The following LRP1B variants were observed in gnomAD, a reference collection of about 807,000 sequenced individuals.
The protein encoded by LRP1B is low-density lipoprotein receptor-related protein 1B.
LRP1B carries 217 observed loss-of-function variants against 556.6 expected under a neutral mutation model. The ratio of observed to expected loss-of-function variants is 0.39; its 90% CI spans 0.35 to 0.44. LRP1B has a LOEUF of 0.44. Among genes scored for constraint, LRP1B ranks in the 20% least tolerant of loss-of-function variants. The probability of loss-of-function intolerance (pLI) is 1.00; values close to 1 mark genes in which losing one functional copy is unlikely to be tolerated. For missense variants in LRP1B, 5,053 were observed against 5,620.8 expected, an observed-to-expected ratio of 0.90 and a Z score of 3.23; for synonymous variants, 2,047 against 1,865.8, an observed-to-expected ratio of 1.10 and a Z score of -2.50.
intron 86 of LRP1B, among the ~76,000 whole-genome samples, chr2:140,247,985 T>G (rs1573680346): frequency 1.3e-5 from 2 of 151,658 alleles, no homozygotes; most frequent in African/African-American, 4.8e-5. Context: ...AGTTCGTAGT[T>G]AAAATGACTG....
intron 3 of LRP1B, among the ~76,000 whole-genome samples, chr2:141,259,456 C>T (rs916036077): frequency 9.9e-5 from 15 of 152,186 alleles, no homozygotes; most frequent in Admixed American, 1.3e-4. Context: ...GCCAATATAA[C>T]GTAGAGAGTA....
intron 1 of LRP1B, among the ~76,000 whole-genome samples, chr2:142,071,680 C>T (rs1015747615): frequency 6.6e-6 from 1 of 151,882 alleles, no homozygotes; most frequent in Non-Finnish European, 1.5e-5. Flanking sequence ...ACCTGTAAAC[C>T]CTAAAATATT....
chr2:141,878,068 A>G (rs2104887497), intron 1 of LRP1B, among the ~76,000 whole-genome samples: 1 of 150,132 alleles, frequency 6.7e-6, no homozygotes, highest in Admixed American at 6.7e-5. Flanking sequence ...TCAGTTTTGG[A>G]ACACTGGTGA....
chr2:141,915,657 A>G (rs1316700950), intron 1 of LRP1B, among the ~76,000 whole-genome samples: 2 of 152,226 alleles, frequency 1.3e-5, no homozygotes, highest in Non-Finnish European at 2.9e-5. Context: ...CAACTAAAGA[A>G]TGAAAGAAGA....
At chr2:140,527,281 T>A (rs1456249031) in intron 47 of LRP1B, among the ~76,000 whole-genome samples, 1 of 151,910 alleles carries the variant, frequency 6.6e-6, no homozygotes, top group Non-Finnish European at 1.5e-5. Flanking sequence ...AGGTGATATT[T>A]CTATTCCAAA....
chr2:141,744,969 A>G (rs1693859474), intron 2 of LRP1B, among the ~76,000 whole-genome samples: 1 of 152,174 alleles, frequency 6.6e-6, no homozygotes, highest in Non-Finnish European at 1.5e-5. Flanking sequence ...GATCTTGGAA[A>G]ATATCTACAA....
intron 1 of LRP1B, among the ~76,000 whole-genome samples, chr2:141,835,000 A>G (rs1697225963): frequency 6.6e-6 from 1 of 151,956 alleles, no homozygotes; most frequent in South Asian, 2.1e-4. Context: ...TATAAAGATC[A>G]ATTGATATTG....
At chr2:141,574,584 T>C (rs1289971030) in intron 2 of LRP1B, among the ~76,000 whole-genome samples, 1 of 152,052 alleles carries the variant, frequency 6.6e-6, no homozygotes, top group Admixed American at 6.6e-5. Flanking sequence ...CTATTCAACA[T>C]AGTATTGGAA....
At chr2:140,884,952 A>G (rs771260289) in intron 24 of LRP1B, among the ~76,000 whole-genome samples, 5 of 152,126 alleles carry the variant, frequency 3.3e-5, no homozygotes, top group African/African-American at 4.8e-5. Context: ...GGGCTTAAAC[A>G]TCTGTCTGTC....
At chr2:140,348,086 C>A (rs1395298400) in intron 77 of LRP1B, among the ~76,000 whole-genome samples, 1 of 151,878 alleles carries the variant, frequency 6.6e-6, no homozygotes, top group Non-Finnish European at 1.5e-5. Context: ...TTTTGGAAAT[C>A]AAATATATTT....
At chr2:141,467,200 A>G (rs1027203026) in intron 3 of LRP1B, among the ~76,000 whole-genome samples, 1 of 150,486 alleles carries the variant, frequency 6.6e-6, no homozygotes, top group Non-Finnish European at 1.5e-5. Flanking sequence ...CGCGGGGGGA[A>G]TTATAGCAGT....
At chr2:142,116,799 G>A (rs1237086117) in intron 1 of LRP1B, among the ~76,000 whole-genome samples, 1 of 152,094 alleles carries the variant, frequency 6.6e-6, no homozygotes, top group African/African-American at 2.4e-5. Flanking sequence ...ATTCTTATGT[G>A]AAACACATGT....
chr2:141,026,599 C>A (rs192592326), intron 11 of LRP1B, among the ~76,000 whole-genome samples: 187 of 152,118 alleles, frequency 1.2e-3, no homozygotes, highest in Admixed American at 3.0e-3. Context: ...TGTTTCAGAT[C>A]CACATAAATA....
rs536989535 is a variant in LRP1B, at chr2:141,269,071, T to A, written c.344-14430A>T. Among the ~76,000 whole-genome samples the A allele has an allele frequency of 2.0e-5, 3 of 152,284 alleles. No homozygotes were observed. In the East Asian group the frequency reaches 5.8e-4, roughly 29 times the overall value. On this transcript the variant is annotated intron_variant, in intron 3 of 90. Coordinates refer to ENST00000389484, the MANE Select transcript of LRP1B (RefSeq NM_018557.3). ...GCTCCAGAGCCATGATGCAGATGTT[T>A]TGCTGAGGGAAATGCAGGGCTTAAC...
At position 141,769,446 on chromosome 2, in the gene LRP1B, T is replaced by C. The variant is rs1223518639; in HGVS notation, c.205+40833A>G. The stretch of plus-strand genomic sequence containing the variant: ...ACAGATATTTGCTTCTAAGATTCTG[T>C]AGTTCTTACCAGACAGAGAACAGTG... On this transcript the variant is annotated intron_variant, in intron 2 of 90. Transcript: ENST00000389484. 2.0e-5 allele frequency among the ~76,000 whole-genome samples: 3 copies of C among 152,202 alleles called. No homozygotes were observed. In the East Asian group the frequency reaches 5.8e-4, roughly 29 times the overall value.
At position 142,115,686 on chromosome 2, in the gene LRP1B, TATATATGTAATATATATATA is replaced by T. The variant is rs1559080245; in HGVS notation, c.82+14942_82+14961del. ...ATATATATATGTAATATATATATAA[TATATATGTAATATATATATA>T]ATATATATGTAATATATATATAATA... On this transcript the variant is annotated intron_variant, in intron 1 of 90. Transcript: ENST00000389484. 4.2e-3 allele frequency among the ~76,000 whole-genome samples: 107 copies of T among 25,218 alleles called. 42 individuals are homozygous for T. The highest frequency in any genetic ancestry group is 0.015 in the African/African-American group (103 of 6,668). The allele number at this position is 25,218 out of a possible 152,430, so 16.5% of individuals were successfully genotyped here.
chr2:140,483,640 A>ATATATATATATATATATTTTTTT (rs1491228405), intron 59 of LRP1B, among the ~76,000 whole-genome samples: 1 of 70,748 alleles, frequency 1.4e-5, no homozygotes, highest in African/African-American at 6.4e-5. Flanking sequence ...ATATATATAT[A>ATATATATATATATATATTTTTTT]TTTTTTTTTT....
At chr2:140,881,979 T>C (rs983328344) in intron 25 of LRP1B, among the ~76,000 whole-genome samples, 4 of 152,204 alleles carry the variant, frequency 2.6e-5, no homozygotes, top group African/African-American at 9.6e-5. Context: ...AAGCATCAAC[T>C]GCAAAATCTA....
rs374067725 is a variant in LRP1B at position 140,947,068 on chromosome 2, G to A, written c.3136+3167C>T. On this transcript the variant is annotated intron_variant, in intron 20 of 90. Transcript: ENST00000389484. The stretch of plus-strand genomic sequence containing the variant: ...TGAAACACTGCCTATTGGGTGCTAT[G>A]TTCACTATCTGGGTGACAGAATTAA... 5.3e-5 allele frequency among the ~76,000 whole-genome samples: 8 copies of A among 152,128 alleles called. No individual in the cohort carries two copies. In the South Asian group the frequency reaches 1.7e-3, roughly 32 times the overall value.
Sources: allele counts gnomAD v4.1 joint callset (sites outside exome capture counted in the v4.1 genomes callset), GRCh38; gene constraint gnomAD v4.1.1; transcripts MANE v1.5; gene names NCBI Gene and HGNC (gene_info 2026-07-23, HGNC 2026-07-21).